The following SEZ6L variants were observed in gnomAD, a reference collection of about 807,000 sequenced individuals.
SEZ6L encodes seizure 6-like protein.
In SEZ6L, 37 loss-of-function variants were observed where a neutral mutation model predicts 106.2. The observed-to-expected ratio is 0.35, with a 90% CI of 0.27 to 0.46. The LOEUF (loss-of-function observed/expected upper bound fraction) is 0.46. Among genes scored for constraint, SEZ6L ranks in the 20% least tolerant of loss-of-function variants. SEZ6L has a pLI of 1.00. For missense variants in SEZ6L, 1,172 were observed against 1,332.8 expected (o/e 0.88, Z 1.88); for synonymous variants, 541 against 570.4 (o/e 0.95, Z 0.73).
At chr22:26,277,575 G>A (rs910997658) in intron 1 of SEZ6L, among the ~76,000 whole-genome samples, 6 of 152,190 alleles carry the variant, frequency 3.9e-5, no homozygotes, top group Admixed American at 3.3e-4. Context: ...GTCAAAGCAC[G>A]TTTATCTAGG....
intron 1 of SEZ6L, among the ~76,000 whole-genome samples, chr22:26,227,024 T>A (rs2078654187): frequency 6.6e-6 from 1 of 152,196 alleles, no homozygotes; most frequent in South Asian, 2.1e-4. Context: ...AGGTCAGGGT[T>A]TCCTGTTACT....
chr22:26,262,269 T>TATCTATCTATCTATCC (rs1556283211), intron 1 of SEZ6L, among the ~76,000 whole-genome samples: 3 of 151,500 alleles, frequency 2.0e-5, no homozygotes, highest in Non-Finnish European at 4.4e-5. Flanking sequence ...TCTATCTATC[T>TATCTATCTATCTATCC]ATCTATCTAT....
At chr22:26,310,612 C>T (rs2081791394) in intron 6 of SEZ6L, 58 bp from the exon 7 acceptor site, 1 of 1,581,884 alleles carries the variant, frequency 6.3e-7, no homozygotes, top group Middle Eastern at 1.7e-4. Context: ...CCTTCCTCTG[C>T]CATGTCAGTG....
intron 13 of SEZ6L, among the ~76,000 whole-genome samples, chr22:26,369,684 G>A (rs1007701425): frequency 6.6e-6 from 1 of 151,836 alleles, no homozygotes; most frequent in African/African-American, 2.4e-5. Context: ...TTGAAGAGCA[G>A]CGAACAGTAA....
intron 1 of SEZ6L, among the ~76,000 whole-genome samples, chr22:26,272,439 C>A (rs955580729): frequency 5.3e-5 from 8 of 152,152 alleles, no homozygotes; most frequent in African/African-American, 1.9e-4. Flanking sequence ...CACAAAAAAA[C>A]CGAATTTTTA....
intron 5 of SEZ6L, 132 bp from the exon 6 acceptor site, chr22:26,305,847 G>A: frequency 3.1e-6 from 3 of 965,372 alleles, no homozygotes; most frequent in Non-Finnish European, 3.0e-6. Flanking sequence ...CTGGGCAAGG[G>A]GCAGGGGTGG....
chr22:26,282,383 G>A (rs866969702), intron 1 of SEZ6L, among the ~76,000 whole-genome samples: 2 of 152,162 alleles, frequency 1.3e-5, no homozygotes, highest in Non-Finnish European at 2.9e-5. Context: ...TCAGCTTTGG[G>A]ACATGACCAG....
At chr22:26,260,556 A>G (rs2079968027) in intron 1 of SEZ6L, among the ~76,000 whole-genome samples, 1 of 152,146 alleles carries the variant, frequency 6.6e-6, no homozygotes, top group Admixed American at 6.6e-5. Context: ...GAAAGAATTG[A>G]TATATTACAT....
intron 3 of SEZ6L, among the ~76,000 whole-genome samples, chr22:26,295,460 G>A (rs544140076): frequency 6.6e-6 from 1 of 152,280 alleles, no homozygotes; most frequent in South Asian, 2.1e-4. Context: ...TGTTTTACTT[G>A]TATAAGAGAG....
intron 1 of SEZ6L, among the ~76,000 whole-genome samples, chr22:26,215,904 A>C (rs1419624463): frequency 6.6e-6 from 1 of 152,192 alleles, no homozygotes; most frequent in Non-Finnish European, 1.5e-5. Context: ...GAACAGCCTG[A>C]TGTGATGAGC....
chr22:26,348,584 A>AGGCAAGGGAGGGAAGGG (rs2083099969), intron 11 of SEZ6L, among the ~76,000 whole-genome samples: 1 of 79,122 alleles, frequency 1.3e-5, no homozygotes, highest in East Asian at 4.3e-4. Flanking sequence ...GAAAGAAAGA[A>AGGCAAGGGAGGGAAGGG]AGAGAAAGAA....
intron 1 of SEZ6L, among the ~76,000 whole-genome samples, chr22:26,222,853 G>A (rs777584814): frequency 3.9e-5 from 6 of 152,178 alleles, no homozygotes; most frequent in East Asian, 1.9e-4. Flanking sequence ...GGGCAATTTT[G>A]CCCACCAGGA....
At chr22:26,374,833 T>C (rs1337268975) in intron 14 of SEZ6L, among the ~76,000 whole-genome samples, 1 of 152,196 alleles carries the variant, frequency 6.6e-6, no homozygotes, top group Non-Finnish European at 1.5e-5. Context: ...GCAGCTGTTA[T>C]AGTTCTTGCA....
Position 26,224,648 on chromosome 22 carries a change from G to A in SEZ6L, c.94+54885G>A, listed in dbSNP as rs367903393. 4.1e-4 allele frequency among the ~76,000 whole-genome samples: 62 copies of A among 152,308 alleles called. 1 individual carries two copies. The highest frequency in any genetic ancestry group is 1.3e-3 in the African/African-American group (54 of 41,562). On this transcript the variant is annotated intron_variant, in intron 1 of 16. Transcript: ENST00000248933. ...TACAGAGGTTTGACATAGGATTAGG[G>A]TGGTGGCAGTGGTGATGGAGAAGAG...
At chr22:26,313,666 C>A in intron 8 of SEZ6L, 98 bp from the exon 9 acceptor site, 1 of 1,437,050 alleles carries the variant, frequency 7.0e-7, no homozygotes, top group Non-Finnish European at 9.6e-7. Flanking sequence ...CACAGAGATT[C>A]ACGGCTGTCT....
At chr22:26,368,489 G>C (rs568717235) in intron 13 of SEZ6L, among the ~76,000 whole-genome samples, 2 of 152,302 alleles carry the variant, frequency 1.3e-5, no homozygotes, top group East Asian at 3.9e-4. Flanking sequence ...AGTGAAGGAA[G>C]CCAGACACAA....
At chr22:26,348,222 G>T (rs1260140652) in intron 11 of SEZ6L, among the ~76,000 whole-genome samples, 1 of 152,008 alleles carries the variant, frequency 6.6e-6, no homozygotes, top group Non-Finnish European at 1.5e-5. Context: ...TTGGCTGGGT[G>T]TAGTGGCTCA....
At chr22:26,185,613 C>T (rs1939717901) in intron 1 of SEZ6L, among the ~76,000 whole-genome samples, 2 of 152,122 alleles carry the variant, frequency 1.3e-5, no homozygotes, top group South Asian at 4.2e-4. Flanking sequence ...GTAAACTTCA[C>T]CTGGATGATT....
Position 26,296,884 on chromosome 22 carries a change from C to A in SEZ6L, c.970-4C>A. ...CCTCTCTGTCTGCTTCTGCCTGTTC[C>A]CAGGTGAAGAGTGTGAACCTGTCCG... On this transcript the variant is annotated splice_polypyrimidine_tract_variant and splice_region_variant and intron_variant, in intron 3 of 16. Coordinates refer to ENST00000248933, the MANE Select transcript of SEZ6L (RefSeq NM_021115.5). The A allele has an allele frequency of 6.3e-7, 1 of 1,574,832 alleles. No homozygotes were observed. Among genetic ancestry groups the A allele is most frequent in the African/African-American group, 1.4e-5 (1 of 73,702 alleles).
Sources: allele counts gnomAD v4.1 joint callset (sites outside exome capture counted in the v4.1 genomes callset), GRCh38; gene constraint gnomAD v4.1.1; transcripts MANE v1.5; gene names NCBI Gene and HGNC (gene_info 2026-07-23, HGNC 2026-07-21).